Variants in PKIA observed in about 807,000 individuals in gnomAD.
PKIA encodes the protein PKI-alpha.
Under a neutral mutation model 7.6 loss-of-function variants are expected in PKIA, and 4 were observed. The ratio of observed to expected loss-of-function variants is 0.52; its 90% confidence interval spans 0.26 to 1.20. The LOEUF is 1.20. Ranked by LOEUF, PKIA falls within the 50% of genes most tolerant of loss-of-function variation. The pLI is 0.13. For synonymous variants in PKIA, 21 were observed against 30.7 expected (o/e 0.68, Z 1.04); for missense variants, 73 against 86.2 (o/e 0.85, Z 0.61).
At chr8:78,589,050 A>G (rs890379266) in intron 2 of PKIA, among the ~76,000 whole-genome samples, 7 of 152,200 alleles carry the variant, frequency 4.6e-5, no homozygotes, top group African/African-American at 1.7e-4. Context: ...CAAGAGGCAG[A>G]ATTGAAGGAA....
chr8:78,548,899 G>C (rs904776595), intron 1 of PKIA, among the ~76,000 whole-genome samples: 1 of 151,946 alleles, frequency 6.6e-6, no homozygotes, highest in African/African-American at 2.4e-5. Flanking sequence ...AATTCATTGA[G>C]ATAATAAAGT....
At chr8:78,517,663 G>A (rs1033654192) in intron 1 of PKIA, among the ~76,000 whole-genome samples, 5 of 152,266 alleles carry the variant, frequency 3.3e-5, no homozygotes, top group Middle Eastern at 3.4e-3. Context: ...GCCATTTGCA[G>A]GTTCCTATCC....
At chr8:78,534,274 C>G (rs1806462856) in intron 1 of PKIA, 1 of 152,058 alleles carries the variant, frequency 6.6e-6, no homozygotes, top group African/African-American at 2.4e-5. Flanking sequence ...TGACTATTGA[C>G]TCGGGTTCAA....
At chr8:78,575,651 G>A (rs781448571) in intron 2 of PKIA, among the ~76,000 whole-genome samples, 6 of 151,916 alleles carry the variant, frequency 3.9e-5, no homozygotes, top group Non-Finnish European at 8.8e-5. Flanking sequence ...AGAACTGCTG[G>A]GTCATGGGGA....
chr8:78,557,360 T>C (rs1244397610), intron 1 of PKIA, among the ~76,000 whole-genome samples: 2 of 152,070 alleles, frequency 1.3e-5, no homozygotes, highest in Non-Finnish European at 2.9e-5. Flanking sequence ...ACATACTATA[T>C]TATAGGAGAA....
intron 2 of PKIA, among the ~76,000 whole-genome samples, chr8:78,588,341 A>G (rs1808002491): frequency 6.6e-6 from 1 of 152,064 alleles, no homozygotes; most frequent in African/African-American, 2.4e-5. Context: ...TTAGCTAGGC[A>G]TGGTGGCGCA....
At chr8:78,584,322 A>T (rs1807897469) in intron 2 of PKIA, among the ~76,000 whole-genome samples, 1 of 152,276 alleles carries the variant, frequency 6.6e-6, no homozygotes, top group Middle Eastern at 3.4e-3. Flanking sequence ...GGTGATTTAT[A>T]TATGCAGTTG....
chr8:78,517,729 T>C (rs1809342631), intron 1 of PKIA, among the ~76,000 whole-genome samples: 1 of 152,188 alleles, frequency 6.6e-6, no homozygotes, highest in Admixed American at 6.5e-5. Flanking sequence ...GTGCCTATCC[T>C]TGTTGCCACC....
At chr8:78,563,292 A>G (rs1807327188) in intron 1 of PKIA, among the ~76,000 whole-genome samples, 2 of 152,314 alleles carry the variant, frequency 1.3e-5, no homozygotes, top group South Asian at 4.1e-4. Flanking sequence ...TTATAAGAAT[A>G]ATCACATTAA....
chr8:78,577,632 ACTT>A (rs1200698402), intron 2 of PKIA, among the ~76,000 whole-genome samples: 1 of 151,996 alleles, frequency 6.6e-6, no homozygotes, highest in Non-Finnish European at 1.5e-5. Context: ...ATACTAAACT[ACTT>A]CTTGACATAA....
chr8:78,523,861 A>C (rs1809463765), intron 1 of PKIA, among the ~76,000 whole-genome samples: 1 of 145,752 alleles, frequency 6.9e-6, no homozygotes, highest in South Asian at 2.1e-4. Context: ...GGAAAGGAAC[A>C]TTATACATAT....
At chr8:78,580,490 G>T (rs1807778923) in intron 2 of PKIA, among the ~76,000 whole-genome samples, 1 of 152,050 alleles carries the variant, frequency 6.6e-6, no homozygotes, top group South Asian at 2.1e-4. Context: ...TGGGTATACA[G>T]GGTATTGCAG....
chr8:78,558,201 ATATC>A (rs1266157954), intron 1 of PKIA, among the ~76,000 whole-genome samples: 2 of 152,168 alleles, frequency 1.3e-5, no homozygotes, highest in Non-Finnish European at 2.9e-5. Context: ...TGTCCCTAAA[ATATC>A]TATTATCTCC....
At chr8:78,543,374 A>G (rs966626496) in intron 1 of PKIA, among the ~76,000 whole-genome samples, 6 of 152,156 alleles carry the variant, frequency 3.9e-5, no homozygotes, top group Non-Finnish European at 7.3e-5. Context: ...AATGCACACA[A>G]TGTCTTACAT....
chr8:78,529,987 G>C (rs1806354393), intron 1 of PKIA, among the ~76,000 whole-genome samples: 1 of 151,978 alleles, frequency 6.6e-6, no homozygotes, highest in Admixed American at 6.6e-5. Flanking sequence ...ACATTGCTGA[G>C]AGTGTGGTTG....
At chr8:78,563,279 A>C (rs59578825) in intron 1 of PKIA, among the ~76,000 whole-genome samples, 6,315 of 152,226 alleles carry the variant, frequency 0.041, 148 homozygotes, top group African/African-American at 0.068. Context: ...AAGATGTATA[A>C]GTTTATAAGA....
At chr8:78,575,549 G>A (rs1807653516) in intron 2 of PKIA, among the ~76,000 whole-genome samples, 2 of 151,694 alleles carry the variant, frequency 1.3e-5, no homozygotes, top group Admixed American at 1.3e-4. Flanking sequence ...GAGTTGTTTT[G>A]GATCTATTCT....
intron 1 of PKIA, among the ~76,000 whole-genome samples, chr8:78,544,116 A>G (rs936501661): frequency 1.3e-5 from 2 of 152,170 alleles, no homozygotes; most frequent in African/African-American, 4.8e-5. Context: ...AAATTATTAA[A>G]TGACACTTAA....
intron 1 of PKIA, among the ~76,000 whole-genome samples, chr8:78,532,408 C>T (rs1369464346): frequency 6.6e-6 from 1 of 151,608 alleles, no homozygotes; most frequent in East Asian, 1.9e-4. Flanking sequence ...TCTATCATAA[C>T]TGCTTCCCTA....
Sources: gnomAD v4.1 joint callset for allele counts (sites outside exome capture counted in the v4.1 genomes callset) on GRCh38, gnomAD v4.1.1 for gene constraint, MANE v1.5 for transcripts, NCBI Gene and HGNC (gene_info 2026-07-23, HGNC 2026-07-21) for gene names.